Variants in ADCY2 observed in about 807,000 individuals in gnomAD.
ADCY2 encodes the protein adenylate cyclase type 2.
In ADCY2, 31 loss-of-function variants were observed where a neutral mutation model predicts 125.2. The ratio of observed to expected loss-of-function variants is 0.25; its 90% CI spans 0.19 to 0.33. The LOEUF is 0.33. Among genes scored for constraint, ADCY2 ranks in the 10% least tolerant of loss-of-function variants. The probability of loss-of-function intolerance (pLI) is 1.00; values close to 1 mark genes in which losing one functional copy is unlikely to be tolerated. For missense variants in ADCY2, 904 were observed against 1,418.2 expected, an observed-to-expected ratio of 0.64 and a Z score of 5.82; for synonymous variants, 512 against 548.4, an observed-to-expected ratio of 0.93 and a Z score of 0.93.
At chr5:7,539,422 G>A (rs1013274369) in intron 3 of ADCY2, among the ~76,000 whole-genome samples, 1 of 151,822 alleles carries the variant, frequency 6.6e-6, no homozygotes, top group Non-Finnish European at 1.5e-5. Context: ...TTAACCTCCA[G>A]AAATGTGGAT....
rs998179745 is a variant in ADCY2 at position 7,773,022 on chromosome 5, G to T, written c.2305G>T (p.Ala769Ser). 1.2e-5 allele frequency: 19 copies of T among 1,613,998 alleles called. No homozygotes were observed. Among genetic ancestry groups the T allele is most frequent in the Non-Finnish European group, 1.5e-5 (18 of 1,180,032 alleles). Residue 769 changes from alanine (A) to serine (S), a missense_variant, in exon 18 of 25, where the codon GCC (alanine) becomes TCC (serine). Physicochemically the swap from Ala to Ser is moderately conservative, Grantham distance 99. Coordinates refer to ENST00000338316, the MANE Select transcript of ADCY2 (RefSeq NM_020546.3). ...GCTGAAGATGTTGATCATGATGGTG[G>T]CCTTGGTGGGCTACAACACCATCCT... ...YELKMLIMMVALVGYNTILLH... is the reference protein window; with the variant it reads ...YELKMLIMMVSLVGYNTILLH...
At chr5:7,576,050 G>A (rs1387574157) in intron 3 of ADCY2, among the ~76,000 whole-genome samples, 2 of 152,194 alleles carry the variant, frequency 1.3e-5, no homozygotes, top group East Asian at 3.9e-4. Context: ...TTGGTGCTCT[G>A]GCTGGGTATG....
At position 7,763,112 on chromosome 5, in the gene ADCY2, G is replaced by A. The variant is rs185157240; in HGVS notation, c.2095-3575G>A. ...GTTTCTAATGTATTTTTTTTTTTCC[G>A]AGACGGAGTCTCGTTCTGTCGCCCA... is the stretch of plus-strand genomic sequence containing the variant. On this transcript the variant is annotated intron_variant, in intron 16 of 24. Transcript: ENST00000338316. Among the ~76,000 whole-genome samples, 661 of 147,910 alleles carry A rather than the reference G, an allele frequency of 4.5e-3. 3 individuals are homozygous for A. The highest frequency in any genetic ancestry group is 7.3e-3 in the Non-Finnish European group (490 of 67,444).
chr5:7,531,084 A>G (rs1453426076), intron 3 of ADCY2, among the ~76,000 whole-genome samples: 1 of 152,228 alleles, frequency 6.6e-6, no homozygotes, highest in South Asian at 2.1e-4. Flanking sequence ...GAGCTCCTGA[A>G]GGTTAATGGA....
rs1168296785 is a variant in ADCY2, at chr5:7,827,956, T to G, written c.*1085T>G. 1 of 152,716 alleles carries G rather than the reference T, an allele frequency of 6.5e-6. No homozygotes were observed. The highest frequency in any genetic ancestry group is 1.5e-5 in the Non-Finnish European group (1 of 68,044). 9.5% of individuals were successfully genotyped at this position (152,716 alleles called of 1,614,324 possible). A position where few individuals can be genotyped will look rare whatever the true frequency, so the allele number is the denominator to read the frequency against. ...TATGCAAATCAGTCTCACAATAGCG[T>G]GAGCTAACTGAGAGAAGTACTAAGA... On this transcript the variant is annotated 3_prime_UTR_variant, in exon 25 of 25. Transcript: ENST00000338316.
chr5:7,706,670 C>T (rs1741276492), intron 7 of ADCY2, 74 bp from the exon 8 acceptor site: 5 of 1,534,298 alleles, frequency 3.3e-6, no homozygotes, highest in Admixed American at 3.5e-5. Context: ...TAATAAAATA[C>T]TGGGAAAATT....
intron 20 of ADCY2, chr5:7,795,708 T>C (rs566341782): frequency 2.0e-5 from 3 of 152,244 alleles, no homozygotes; most frequent in Admixed American, 6.5e-5. Context: ...AAAGCAAGTA[T>C]AGCTATACTT....
chr5:7,824,404 A>G (rs1158106041), intron 24 of ADCY2, among the ~76,000 whole-genome samples: 1 of 152,174 alleles, frequency 6.6e-6, no homozygotes, highest in Non-Finnish European at 1.5e-5. Flanking sequence ...ACCAGTGGAT[A>G]GTTTTAAAAT....
At chr5:7,667,366 A>C (rs1244687548) in intron 4 of ADCY2, among the ~76,000 whole-genome samples, 1 of 152,212 alleles carries the variant, frequency 6.6e-6, no homozygotes, top group Non-Finnish European at 1.5e-5. Context: ...AGAAAGTTTC[A>C]GGCTAAAGAG....
intron 4 of ADCY2, among the ~76,000 whole-genome samples, chr5:7,650,364 A>G (rs1197080460): frequency 6.6e-6 from 1 of 152,170 alleles, no homozygotes; most frequent in Admixed American, 6.5e-5. Flanking sequence ...TTGGTGTATG[A>G]CAGCTGCCAT....
At chr5:7,511,075 G>C (rs1014291524) in intron 2 of ADCY2, among the ~76,000 whole-genome samples, 2 of 152,148 alleles carry the variant, frequency 1.3e-5, no homozygotes, top group Non-Finnish European at 2.9e-5. Flanking sequence ...TACTATGCCT[G>C]AAGTGTTTCC....
intron 15 of ADCY2, among the ~76,000 whole-genome samples, chr5:7,751,025 A>G (rs1025040094): frequency 6.7e-6 from 1 of 149,098 alleles, no homozygotes; most frequent in African/African-American, 2.5e-5. Context: ...TCTTTTTCCT[A>G]TTTTCCACTT....
At chr5:7,411,074 T>C (rs947180891) in intron 1 of ADCY2, among the ~76,000 whole-genome samples, 1 of 152,204 alleles carries the variant, frequency 6.6e-6, no homozygotes, top group African/African-American at 2.4e-5. Context: ...CATCCTCTAG[T>C]GAATACTCTT....
intron 12 of ADCY2, 42 bp downstream of exon 12, chr5:7,717,279 A>G (rs748622004): frequency 2.8e-6 from 4 of 1,453,492 alleles, no homozygotes; most frequent in Non-Finnish European, 1.9e-6. Context: ...ATCTTTTATT[A>G]TGTTCCAGTT....
intron 14 of ADCY2, among the ~76,000 whole-genome samples, chr5:7,727,791 C>T (rs942337961): frequency 1.8e-4 from 28 of 151,960 alleles, no homozygotes; most frequent in Non-Finnish European, 2.6e-4. Context: ...CCCGGAGAGA[C>T]GTGGGTACAA....
intron 3 of ADCY2, among the ~76,000 whole-genome samples, chr5:7,617,044 A>G (rs1391126638): frequency 6.6e-6 from 1 of 152,146 alleles, no homozygotes; most frequent in South Asian, 2.1e-4. Flanking sequence ...TTACAAAGTG[A>G]TTAGGTCATG....
At chr5:7,445,036 T>G (rs1741187481) in intron 2 of ADCY2, among the ~76,000 whole-genome samples, 1 of 152,236 alleles carries the variant, frequency 6.6e-6, no homozygotes, top group African/African-American at 2.4e-5. Context: ...TTCCCCAGTT[T>G]TTACCTTGTC....
In ADCY2 at chr5:7,806,508, G is replaced by A. The variant is rs139794648; in HGVS notation, c.2883+1816G>A. ...CAGTTCTGAAGGCTGGGAAATTCAG[G>A]ACTGAGGTGCTGGCTGATTAGGTGT... is the stretch of plus-strand genomic sequence containing the variant. On this transcript the variant is annotated intron_variant, in intron 22 of 24. Transcript: ENST00000338316. 2.0e-3 allele frequency among the ~76,000 whole-genome samples: 304 copies of A among 152,322 alleles called. 3 individuals are homozygous for A. The highest frequency in any genetic ancestry group is 7.0e-3 in the African/African-American group (293 of 41,564).
rs540165261 is a variant in ADCY2 at position 7,410,489 on chromosome 5, C to T, written c.211-4084C>T. Among the ~76,000 whole-genome samples, 472 of 152,070 alleles carry T rather than the reference C, an allele frequency of 3.1e-3. 1 individual carries two copies. The highest frequency in any genetic ancestry group is 0.011 in the African/African-American group (453 of 41,482). ...GCAATTAGAAGCCATCTGAAATTAC[C>T]GGAAAATGCATGGAAAATGAAGGGA... On this transcript the variant is annotated intron_variant, in intron 1 of 24. Coordinates refer to ENST00000338316, the MANE Select transcript of ADCY2 (RefSeq NM_020546.3).
Sources: gnomAD v4.1 joint callset for allele counts (sites outside exome capture counted in the v4.1 genomes callset) on GRCh38, gnomAD v4.1.1 for gene constraint, MANE v1.5 for transcripts, NCBI Gene and HGNC (gene_info 2026-07-23, HGNC 2026-07-21) for gene names.